PLD5: variants seen among roughly 807,000 people sequenced by gnomAD.
PLD5 encodes phospholipase D family member 5, also known as inactive phospholipase D5.
Under a neutral mutation model 61.1 loss-of-function variants are expected in PLD5, and 36 were observed. The ratio of observed to expected loss-of-function variants is 0.59; its 90% CI spans 0.45 to 0.78. PLD5 has a LOEUF of 0.78. PLD5 is among the 30% of genes least tolerant of loss of function. The pLI, the probability that PLD5 is intolerant of heterozygous loss-of-function variation, is 0.00. For synonymous variants in PLD5, 243 were observed against 242.8 expected (o/e 1.00, Z -0.01); for missense variants, 515 against 644.4 (o/e 0.80, Z 2.17).
intron 5 of PLD5, among the ~76,000 whole-genome samples, chr1:242,136,894 T>G (rs978124888): frequency 2.6e-5 from 4 of 152,196 alleles, no homozygotes; most frequent in Non-Finnish European, 4.4e-5. Flanking sequence ...GTCCAATAGC[T>G]GCTTGGCAAA....
intron 9 of PLD5, among the ~76,000 whole-genome samples, chr1:242,100,261 G>A (rs905135019): frequency 2.6e-5 from 4 of 152,074 alleles, no homozygotes; most frequent in African/African-American, 7.2e-5. Flanking sequence ...TGGGAGTTTC[G>A]GCACTGAACC....
At chr1:242,410,213 G>A (rs1033987504) in intron 1 of PLD5, among the ~76,000 whole-genome samples, 3 of 152,054 alleles carry the variant, frequency 2.0e-5, no homozygotes, top group Non-Finnish European at 4.4e-5. Flanking sequence ...AAGGATCCTC[G>A]GAAGAATAGC....
intron 5 of PLD5, among the ~76,000 whole-genome samples, chr1:242,201,923 G>T (rs2148957592): frequency 6.6e-6 from 1 of 152,196 alleles, no homozygotes; most frequent in East Asian, 1.9e-4. Context: ...AACATAAAAA[G>T]TGTGTGTGTG....
chr1:242,185,694 C>T (rs1203529299), intron 5 of PLD5, among the ~76,000 whole-genome samples: 1 of 152,174 alleles, frequency 6.6e-6, no homozygotes, highest in Non-Finnish European at 1.5e-5. Context: ...TTTAATGGGT[C>T]TCCCTTTTCA....
At chr1:242,213,896 A>C (rs1158488496) in intron 5 of PLD5, among the ~76,000 whole-genome samples, 1 of 150,536 alleles carries the variant, frequency 6.6e-6, no homozygotes, top group Non-Finnish European at 1.5e-5. Flanking sequence ...GGACTAAAAC[A>C]CTCTCTCCCT....
intron 5 of PLD5, among the ~76,000 whole-genome samples, chr1:242,163,278 G>C (rs946222905): frequency 8.6e-5 from 13 of 151,858 alleles, no homozygotes; most frequent in Non-Finnish European, 7.4e-5. Flanking sequence ...CGAGTAGCTG[G>C]GACTACAGGC....
intron 5 of PLD5, among the ~76,000 whole-genome samples, chr1:242,147,185 A>C: frequency 6.6e-6 from 1 of 151,566 alleles, no homozygotes; most frequent in Non-Finnish European, 1.5e-5. Flanking sequence ...TTCAAACCGC[A>C]GCCCTTGGCA....
chr1:242,317,933 A>G (rs1409076152), intron 2 of PLD5, among the ~76,000 whole-genome samples: 1 of 152,180 alleles, frequency 6.6e-6, no homozygotes, highest in East Asian at 1.9e-4. Flanking sequence ...CTGCTCCTCA[A>G]TGCCTCTGAA....
intron 1 of PLD5, among the ~76,000 whole-genome samples, chr1:242,433,919 G>A (rs1017764543): frequency 6.6e-6 from 1 of 152,200 alleles, no homozygotes; most frequent in Admixed American, 6.5e-5. Flanking sequence ...CATGGAGTAA[G>A]TAAGGGAGAC....
chr1:242,301,342 G>A (rs1250193196), intron 2 of PLD5, among the ~76,000 whole-genome samples: 1 of 152,204 alleles, frequency 6.6e-6, no homozygotes, highest in South Asian at 2.1e-4. Flanking sequence ...TTGTCAATCT[G>A]TTCAGGAAGA....
intron 5 of PLD5, among the ~76,000 whole-genome samples, chr1:242,145,159 C>T (rs1664456332): frequency 6.6e-6 from 1 of 152,182 alleles, no homozygotes; most frequent in Admixed American, 6.5e-5. Flanking sequence ...CCAGGATCCA[C>T]ACCCTCAGCC....
chr1:242,265,412 A>G lies in PLD5; in HGVS notation c.532T>C (p.Ser178Pro). Residue 178 changes from serine (S) to proline (P), a missense_variant, in exon 4 of 10, where the codon TCG becomes CCG. Physicochemically the swap from Ser to Pro is moderately conservative, Grantham distance 74. This residue lies in a region of PLD5 where 450 missense variants were observed against 598.1 expected (regional missense o/e 0.75). Coordinates refer to ENST00000536534, the MANE Select transcript of PLD5 (RefSeq NM_001372062.1). ...RLFEKLLQLTSQNIEIKLVSD... is the reference protein window; with the variant it reads ...RLFEKLLQLTPQNIEIKLVSD... The stretch of plus-strand genomic sequence containing the variant: ...ACTAGCTTGATTTCAATATTTTGCG[A>G]AGTCAGCTGGAGCAACTTTTCAAAA... The G allele has an allele frequency of 4.3e-6, 7 of 1,612,584 alleles. No homozygotes were observed. The highest frequency in any genetic ancestry group is 5.9e-6 in the Non-Finnish European group (7 of 1,179,330).
chr1:242,305,121 A>G (rs1676274644), intron 2 of PLD5, among the ~76,000 whole-genome samples: 1 of 151,756 alleles, frequency 6.6e-6, no homozygotes, highest in East Asian at 1.9e-4. Flanking sequence ...ATAAAATAAA[A>G]TAATTGTGAC....
chr1:242,302,123 T>C (rs1676086822), intron 2 of PLD5, among the ~76,000 whole-genome samples: 1 of 152,188 alleles, frequency 6.6e-6, no homozygotes, highest in Non-Finnish European at 1.5e-5. Flanking sequence ...GGTACACAAA[T>C]ACTTACCATT....
chr1:242,510,821 G>T (rs867690710), intron 1 of PLD5, among the ~76,000 whole-genome samples: 3 of 151,910 alleles, frequency 2.0e-5, no homozygotes, highest in Admixed American at 6.6e-5. Context: ...CTCCAGCCTG[G>T]GTGACAGAGC....
intron 1 of PLD5, among the ~76,000 whole-genome samples, chr1:242,459,523 C>T (rs1667049089): frequency 6.6e-6 from 1 of 152,102 alleles, no homozygotes; most frequent in Admixed American, 6.6e-5. Context: ...GTGATCAGCG[C>T]CAAGCTATGA....
At chr1:242,430,891 G>A (rs114090666) in intron 1 of PLD5, among the ~76,000 whole-genome samples, 1,718 of 152,120 alleles carry the variant, frequency 0.011, 38 homozygotes, top group African/African-American at 0.039. Context: ...CATGCCCCAC[G>A]CCTGTCCTGC....
chr1:242,130,609 C>T (rs998449697), intron 5 of PLD5, among the ~76,000 whole-genome samples: 2 of 152,144 alleles, frequency 1.3e-5, no homozygotes, highest in African/African-American at 4.8e-5. Context: ...TCACAAACAT[C>T]TATTATTTTT....
chr1:242,434,824 A>G (rs1003025287), intron 1 of PLD5, among the ~76,000 whole-genome samples: 2 of 152,146 alleles, frequency 1.3e-5, no homozygotes, highest in Non-Finnish European at 2.9e-5. Context: ...CATTTTAGCC[A>G]GGATGGTCTT....
Sources: allele counts gnomAD v4.1 joint callset (sites outside exome capture counted in the v4.1 genomes callset), GRCh38; gene constraint gnomAD v4.1.1; regional missense constraint gnomAD v4.1.1; transcripts MANE v1.5; gene names NCBI Gene and HGNC (gene_info 2026-07-23, HGNC 2026-07-21).